C8B: variants seen among roughly 807,000 people sequenced by gnomAD.
The protein encoded by C8B is complement C8 beta chain.
Under a neutral mutation model 64.6 loss-of-function variants are expected in C8B, and 67 were observed. The ratio of observed to expected loss-of-function variants is 1.04; its 90% CI spans 0.85 to 1.27. The LOEUF (loss-of-function observed/expected upper bound fraction) is 1.27. Among genes scored for constraint, C8B ranks in the 50% most tolerant of loss-of-function variants. The probability of loss-of-function intolerance (pLI) is 0.00; values close to 1 mark genes in which losing one functional copy is unlikely to be tolerated. For synonymous variants in C8B, 284 were observed against 257.7 expected, an observed-to-expected ratio of 1.10 and a Z score of -0.98; for missense variants, 790 against 725.2, an observed-to-expected ratio of 1.09 and a Z score of -1.03.
At chr1:56,960,911 T>G (rs1473295577) in intron 1 of C8B, among the ~76,000 whole-genome samples, 1 of 151,910 alleles carries the variant, frequency 6.6e-6, no homozygotes, top group Non-Finnish European at 1.5e-5. Context: ...ACTCATTTAG[T>G]AAATAGTTCC....
At chr1:56,943,603 T>G in intron 8 of C8B, 93 bp downstream of exon 8, 1 of 1,469,164 alleles carries the variant, frequency 6.8e-7, no homozygotes, top group Non-Finnish European at 9.5e-7. Context: ...GGGATAGTAT[T>G]TGTCTCAAAA....
chr1:56,941,148 C>A, intron 8 of C8B, 136 bp from the exon 9 acceptor site: 1 of 987,920 alleles, frequency 1.0e-6, no homozygotes, highest in South Asian at 1.4e-5. Context: ...CAGACACTTC[C>A]TTGTCCACAG....
At chr1:56,930,087 T>A (rs1284448139) in intron 11 of C8B, among the ~76,000 whole-genome samples, 1 of 152,164 alleles carries the variant, frequency 6.6e-6, no homozygotes, top group Non-Finnish European at 1.5e-5. Flanking sequence ...GCTAAACATG[T>A]GTTAAATGGA....
At chr1:56,940,784 C>T in intron 9 of C8B, 65 bp downstream of exon 9, 2 of 1,592,632 alleles carry the variant, frequency 1.3e-6, no homozygotes, top group South Asian at 2.2e-5. Flanking sequence ...TACCTTGGCT[C>T]ATGGTAGGTC....
chr1:56,946,336 G>A (rs1644942088), intron 6 of C8B, among the ~76,000 whole-genome samples: 1 of 152,162 alleles, frequency 6.6e-6, no homozygotes, highest in Non-Finnish European at 1.5e-5. Flanking sequence ...GGCATGGCAG[G>A]GAGCAGCTGG....
At chr1:56,941,539 T>C (rs963954714) in intron 8 of C8B, among the ~76,000 whole-genome samples, 1 of 128,576 alleles carries the variant, frequency 7.8e-6, no homozygotes, top group African/African-American at 3.1e-5. Flanking sequence ...GATAGATAGA[T>C]AGATAGATAG....
At chr1:56,958,498 A>G (rs1645133046) in intron 2 of C8B, among the ~76,000 whole-genome samples, 1 of 152,126 alleles carries the variant, frequency 6.6e-6, no homozygotes, top group Non-Finnish European at 1.5e-5. Flanking sequence ...ACACTGTGAA[A>G]AAAAAAAGAC....
rs374795894 is a variant in C8B at position 56,956,899 on chromosome 1, G to A, written c.261C>T (p.Ala87=). 1 of 1,613,980 alleles carries A rather than the reference G, an allele frequency of 6.2e-7. No individual in the cohort carries two copies. Among genetic ancestry groups the A allele is most frequent in the East Asian group, 2.2e-5 (1 of 44,880 alleles). ...GGAACTGAGAGGGCTGGAGCAAGTA[G>A]GCATACCTGTACTGTAGCAGAGAGG... ...DPCQKKRYRY[A]YLLQPSQFHG... The change falls in exon 3 of 12, where the codon GCC becomes GCT. Residue 87 remains alanine, a synonymous_variant. Coordinates refer to ENST00000371237, the MANE Select transcript of C8B (RefSeq NM_000066.4).
At chr1:56,932,501 C>T (rs1177199239) in intron 10 of C8B, among the ~76,000 whole-genome samples, 1 of 152,134 alleles carries the variant, frequency 6.6e-6, no homozygotes, top group Non-Finnish European at 1.5e-5. Flanking sequence ...TCGTACAAGG[C>T]AAGGGAGAGT....
intron 2 of C8B, among the ~76,000 whole-genome samples, chr1:56,957,690 ATTG>A (rs1327242088): frequency 2.6e-5 from 4 of 152,100 alleles, no homozygotes; most frequent in Admixed American, 6.6e-5. Context: ...GGTAGATGTT[ATTG>A]TTGTTTCCTT....
rs1418103189 is a variant in C8B at position 56,943,817 on chromosome 1, A to T, written c.1113T>A (p.Thr371=). The part of the protein sequence containing the change: ...NKEAMERGDY[T]LNNVHACAKN... Reference sequence around the variant, plus strand: ...TGGCACAGGCATGGACGTTGTTAAGAGTATAATCTGAAGAAAACAAGGAAA... The same window carrying T: ...TGGCACAGGCATGGACGTTGTTAAGTGTATAATCTGAAGAAAACAAGGAAA... The change falls in exon 8 of 12, where the codon ACT becomes ACA. Residue 371 remains threonine, a synonymous_variant. Transcript: ENST00000371237. 1.9e-6 allele frequency: 3 copies of T among 1,613,936 alleles called. No individual in the cohort carries two copies. The highest frequency in any genetic ancestry group is 1.3e-5 in the African/African-American group (1 of 74,910).
At chr1:56,954,417 A>G (rs1489181821) in intron 4 of C8B, among the ~76,000 whole-genome samples, 1 of 152,246 alleles carries the variant, frequency 6.6e-6, no homozygotes, top group East Asian at 1.9e-4. Flanking sequence ...GCCCTTGCAT[A>G]GCAGCCTGTG....
chr1:56,934,278 T>C (rs999955228), intron 9 of C8B, among the ~76,000 whole-genome samples: 5 of 151,386 alleles, frequency 3.3e-5, no homozygotes, highest in African/African-American at 1.2e-4. Context: ...GCTGGATGGA[T>C]GTAGGGGGAT....
chr1:56,955,409 T>C (rs1645088250), intron 3 of C8B, among the ~76,000 whole-genome samples: 1 of 152,206 alleles, frequency 6.6e-6, no homozygotes, highest in Non-Finnish European at 1.5e-5. Flanking sequence ...AACATAGTCA[T>C]TTGGATTATG....
intron 1 of C8B, among the ~76,000 whole-genome samples, chr1:56,965,647 G>A (rs1422716622): frequency 6.6e-6 from 1 of 152,136 alleles, no homozygotes; most frequent in Non-Finnish European, 1.5e-5. Flanking sequence ...AAACCTGTCA[G>A]TTTCTTACAG....
chr1:56,961,060 A>G (rs1306131092), intron 1 of C8B, among the ~76,000 whole-genome samples: 2 of 152,196 alleles, frequency 1.3e-5, no homozygotes, highest in East Asian at 3.9e-4. Flanking sequence ...CAGCACCACC[A>G]GCAGAGATAA....
At chr1:56,929,641 CA>C (rs1296298185) in intron 11 of C8B, 83 bp from the exon 12 acceptor site, 1 of 1,366,338 alleles carries the variant, frequency 7.3e-7, no homozygotes, top group East Asian at 2.3e-5. Flanking sequence ...CTATGTAAGC[CA>C]AAAGGCTTTG....
chr1:56,960,286 C>A, intron 1 of C8B, 110 bp from the exon 2 acceptor site: 2 of 993,370 alleles, frequency 2.0e-6, no homozygotes, highest in Admixed American at 1.8e-5. Flanking sequence ...TTGTGCAAGG[C>A]TATTAGTTTA....
chr1:56,959,907 G>A (rs551405021), intron 2 of C8B, 113 bp downstream of exon 2: 29 of 1,168,650 alleles, frequency 2.5e-5, no homozygotes, highest in African/African-American at 1.8e-4. Context: ...TAAGTTAGCC[G>A]ACATTTATTG....
Sources: allele counts gnomAD v4.1 joint callset (sites outside exome capture counted in the v4.1 genomes callset), GRCh38; gene constraint gnomAD v4.1.1; transcripts MANE v1.5; gene names NCBI Gene and HGNC (gene_info 2026-07-23, HGNC 2026-07-21).